The following CASD1 variants were observed in gnomAD, a reference collection of about 807,000 sequenced individuals.
The protein encoded by CASD1 is CAS1 domain sialic acid O acetyltransferase 1, also known as N-acetylneuraminate (7)9-O-acetyltransferase.
Under a neutral mutation model 100.0 loss-of-function variants are expected in CASD1, and 41 were observed. The ratio of observed to expected loss-of-function variants is 0.41; its 90% CI spans 0.32 to 0.53. CASD1 has a LOEUF of 0.53. CASD1 is among the 20% of genes least tolerant of loss of function. The pLI, the probability that CASD1 is intolerant of heterozygous loss-of-function variation, is 0.25. For missense variants in CASD1, 774 were observed against 948.7 expected (o/e 0.82, Z 2.42); for synonymous variants, 321 against 315.6 (o/e 1.02, Z -0.18).
chr7:94,590,029 G>C, the CASD1 span: 1 of 151,956 alleles, frequency 6.6e-6, no homozygotes, highest in African/African-American at 2.4e-5. Context: ...ATATTTCCTT[G>C]TATCTATCTG....
In CASD1 at chr7:94,538,954, T is replaced by G; in HGVS notation, c.1267-13T>G. Reference sequence around the variant, plus strand: ...TGATAAATTTTAAAACAGATTTTGGTTCCTTTACACAGACTAAAGTATTAA... The same window carrying G: ...TGATAAATTTTAAAACAGATTTTGGGTCCTTTACACAGACTAAAGTATTAA... On this transcript the variant is annotated splice_polypyrimidine_tract_variant and intron_variant, in intron 9 of 17. Coordinates refer to ENST00000297273, the MANE Select transcript of CASD1 (RefSeq NM_022900.5). 7.0e-7 allele frequency: 1 copy of G among 1,429,430 alleles called. No homozygotes were observed. The highest frequency in any genetic ancestry group is 9.6e-7 in the Non-Finnish European group (1 of 1,038,046). The allele number at this position is 1,429,430 out of a possible 1,614,324, so 88.5% of individuals were successfully genotyped here. A position where few individuals can be genotyped will look rare whatever the true frequency, so the allele number is the denominator to read the frequency against.
At position 94,555,847 on chromosome 7, in the gene CASD1, G is replaced by A; in HGVS notation, c.*89G>A. 2 of 1,316,722 alleles carry A rather than the reference G, an allele frequency of 1.5e-6. No homozygotes were observed. 81.6% of individuals were successfully genotyped at this position (1,316,722 alleles called of 1,614,324 possible). A position where few individuals can be genotyped will look rare whatever the true frequency, so the allele number is the denominator to read the frequency against. ...AGCATCTATCTGGAGATATAAATGT[G>A]TATGTAAATATAAACGTTTGTGGCA... On this transcript the variant is annotated 3_prime_UTR_variant, in exon 18 of 18. Coordinates refer to ENST00000297273, the MANE Select transcript of CASD1 (RefSeq NM_022900.5).
chr7:94,621,021 A>C, the CASD1 span: 1 of 152,112 alleles, frequency 6.6e-6, no homozygotes, highest in African/African-American at 2.4e-5. Context: ...CACTTTATGT[A>C]CTCTCCTTGA....
chr7:94,619,085 C>CT, the CASD1 span: 1 of 703,722 alleles, frequency 1.4e-6, no homozygotes, highest in Non-Finnish European at 2.6e-6. Context: ...TTAATACTGA[C>CT]TTTAAAGGCT....
the CASD1 span, among the ~76,000 whole-genome samples, chr7:94,568,249 TGCTATAGGTA>T: frequency 6.6e-6 from 1 of 152,158 alleles, no homozygotes; most frequent in African/African-American, 2.4e-5. Context: ...ATTTAGTATA[TGCTATAGGTA>T]GCAACTCAAG....
intron 1 of CASD1, among the ~76,000 whole-genome samples, chr7:94,517,128 AC>A (rs1794016197): frequency 6.6e-6 from 1 of 151,816 alleles, no homozygotes; most frequent in Non-Finnish European, 1.5e-5. Context: ...GGTCTCAAAC[AC>A]TCGACCTCGA....
the CASD1 span, among the ~76,000 whole-genome samples, chr7:94,579,891 C>T: frequency 6.6e-6 from 1 of 152,194 alleles, no homozygotes; most frequent in African/African-American, 2.4e-5. Context: ...ATTATTTCCT[C>T]AATCCTGATT....
chr7:94,576,468 T>A, the CASD1 span, among the ~76,000 whole-genome samples: 1 of 152,234 alleles, frequency 6.6e-6, no homozygotes, highest in Non-Finnish European at 1.5e-5. Flanking sequence ...TGTTTTTGTA[T>A]GATTAAGCCC....
chr7:94,628,134 C>T, the CASD1 span: 1 of 1,075,516 alleles, frequency 9.3e-7, no homozygotes, highest in Non-Finnish European at 1.3e-6. Flanking sequence ...ACTCAAATTA[C>T]AATACACACA....
chr7:94,605,417 TTAAAA>T, the CASD1 span, among the ~76,000 whole-genome samples: 4 of 152,178 alleles, frequency 2.6e-5, no homozygotes, highest in Middle Eastern at 3.4e-3. Context: ...GATAACTTGT[TTAAAA>T]TAATAGCAAC....
At position 94,551,483 on chromosome 7, in the gene CASD1, G is replaced by T. The variant is rs1795941695; in HGVS notation, c.1956+5G>T. On this transcript the variant is annotated splice_donor_5th_base_variant and intron_variant, in intron 15 of 17. Coordinates refer to ENST00000297273, the MANE Select transcript of CASD1 (RefSeq NM_022900.5). ...ATTTCAGTAGTTTCTTTCTTGGTAA[G>T]TTTTGAAAACTTTCCAAAATTCTAA... 26 of 1,424,632 alleles carry T rather than the reference G, an allele frequency of 1.8e-5. No homozygotes were observed. The highest frequency in any genetic ancestry group is 3.0e-5 in the African/African-American group (2 of 67,268). The allele number at this position is 1,424,632 out of a possible 1,614,324, so 88.2% of individuals were successfully genotyped here. A position where few individuals can be genotyped will look rare whatever the true frequency, so the allele number is the denominator to read the frequency against.
At chr7:94,616,200 G>A in the CASD1 span, among the ~76,000 whole-genome samples, 9 of 152,188 alleles carry the variant, frequency 5.9e-5, no homozygotes, top group Admixed American at 3.9e-4. Flanking sequence ...GCAGTAGAAC[G>A]GTAGTAGATT....
At chr7:94,629,792 T>C in the CASD1 span, 2 of 1,611,172 alleles carry the variant, frequency 1.2e-6, no homozygotes, top group Non-Finnish European at 1.7e-6. Flanking sequence ...GGACACCTGC[T>C]GATGGGTATA....
the CASD1 span, among the ~76,000 whole-genome samples, chr7:94,582,323 G>T: frequency 6.6e-6 from 1 of 152,030 alleles, no homozygotes; most frequent in Non-Finnish European, 1.5e-5. Context: ...TTACCATGTC[G>T]GCCAGGCTGG....
At chr7:94,624,072 A>G in the CASD1 span, 1 of 395,134 alleles carries the variant, frequency 2.5e-6, no homozygotes, top group Non-Finnish European at 4.5e-6. Flanking sequence ...CACACAAAGC[A>G]AAGGCCAACA....
the CASD1 span, among the ~76,000 whole-genome samples, chr7:94,615,365 A>AATAGATAGATAG: frequency 7.0e-6 from 1 of 142,202 alleles, no homozygotes; most frequent in Non-Finnish European, 1.5e-5. Context: ...TCTCAAAATA[A>AATAGATAGATAG]ATAGATAGAT....
chr7:94,577,126 G>C, the CASD1 span, among the ~76,000 whole-genome samples: 1 of 152,104 alleles, frequency 6.6e-6, no homozygotes, highest in Non-Finnish European at 1.5e-5. Context: ...TACTTGCCTA[G>C]TAGGTCCAAC....
intron 1 of CASD1, among the ~76,000 whole-genome samples, chr7:94,515,781 T>G (rs937197162): frequency 1.6e-4 from 25 of 152,060 alleles, no homozygotes; most frequent in Non-Finnish European, 3.5e-4. Context: ...GAAGAAAACC[T>G]TAAAGGATTA....
the CASD1 span, among the ~76,000 whole-genome samples, chr7:94,616,582 T>C: frequency 2.6e-5 from 4 of 152,154 alleles, no homozygotes; most frequent in African/African-American, 9.7e-5. Flanking sequence ...AGAAAGCATA[T>C]TAAGTGAATT....
Sources: allele counts gnomAD v4.1 joint callset (sites outside exome capture counted in the v4.1 genomes callset), GRCh38; gene constraint gnomAD v4.1.1; transcripts MANE v1.5; gene names NCBI Gene and HGNC (gene_info 2026-07-23, HGNC 2026-07-21).